Variants in TRIM37 observed in about 807,000 individuals in gnomAD.
TRIM37 encodes E3 ubiquitin-protein ligase TRIM37.
TRIM37 carries 80 observed loss-of-function variants against 129.8 expected under a neutral mutation model. The observed-to-expected ratio is 0.62, with a 90% confidence interval of 0.51 to 0.74. TRIM37 has a LOEUF of 0.74. Among genes scored for constraint, TRIM37 ranks in the 30% least tolerant of loss-of-function variants. TRIM37 has a pLI of 0.00. For synonymous variants in TRIM37, 389 were observed against 387.1 expected, an observed-to-expected ratio of 1.00 and a Z score of -0.06; for missense variants, 1,054 against 1,176.5, an observed-to-expected ratio of 0.90 and a Z score of 1.52.
chr17:59,080,375 T>C (rs1408810398), intron 6 of TRIM37, among the ~76,000 whole-genome samples: 1 of 152,014 alleles, frequency 6.6e-6, no homozygotes, highest in African/African-American at 2.4e-5. Context: ...GTCTGTGGAG[T>C]TCTAAATCAG....
intron 19 of TRIM37, among the ~76,000 whole-genome samples, chr17:59,020,143 A>ATC (rs1368957771): frequency 6.9e-6 from 1 of 143,982 alleles, no homozygotes; most frequent in Non-Finnish European, 1.5e-5. Context: ...AGGTAGGAGA[A>ATC]GTGCTTGAGC....
intron 8 of TRIM37, among the ~76,000 whole-genome samples, chr17:59,072,499 G>A (rs1188994873): frequency 3.9e-5 from 6 of 152,160 alleles, no homozygotes; most frequent in South Asian, 4.2e-4. Context: ...AGGCTGAGGC[G>A]GGTGGATCAC....
intron 8 of TRIM37, among the ~76,000 whole-genome samples, chr17:59,075,037 A>G (rs2042685757): frequency 6.6e-6 from 1 of 152,184 alleles, no homozygotes; most frequent in African/African-American, 2.4e-5. Context: ...CAAAGCCACC[A>G]CTTAAGTCAC....
chr17:59,056,672 G>A (rs1013906720), intron 13 of TRIM37, among the ~76,000 whole-genome samples: 1 of 125,156 alleles, frequency 8.0e-6, no homozygotes, highest in South Asian at 2.7e-4. Flanking sequence ...GGAGCTTGTA[G>A]TGAGCCGAGA....
At chr17:58,975,878 C>T in the TRIM37 span, among the ~76,000 whole-genome samples, 1 of 151,910 alleles carries the variant, frequency 6.6e-6, no homozygotes, top group Non-Finnish European at 1.5e-5. Context: ...ATGAGGAGAG[C>T]TAAAAAGGAA....
intron 19 of TRIM37, among the ~76,000 whole-genome samples, chr17:59,019,467 T>C (rs2036324274): frequency 6.6e-6 from 1 of 152,122 alleles, no homozygotes; most frequent in Admixed American, 6.5e-5. Context: ...CCCAGCACTT[T>C]GGGAGGCTGA....
At chr17:59,027,967 G>A (rs2037422022) in intron 19 of TRIM37, among the ~76,000 whole-genome samples, 2 of 152,074 alleles carry the variant, frequency 1.3e-5, no homozygotes, top group Non-Finnish European at 2.9e-5. Context: ...ATAAATAGCT[G>A]CCACCTTCCT....
At chr17:59,033,933 C>T (rs2038169580) in intron 17 of TRIM37, among the ~76,000 whole-genome samples, 1 of 151,746 alleles carries the variant, frequency 6.6e-6, no homozygotes. Context: ...GCCTTGCCAA[C>T]ATGGTGAAAC....
chr17:59,106,069 A>T, intron 1 of TRIM37, among the ~76,000 whole-genome samples: 1 of 152,200 alleles, frequency 6.6e-6, no homozygotes, highest in South Asian at 2.1e-4. Context: ...ATCCATTTGG[A>T]AGGAGATTTA....
At chr17:59,079,718 G>A (rs1469259674) in intron 7 of TRIM37, 36 bp downstream of exon 7, 2 of 1,612,890 alleles carry the variant, frequency 1.2e-6, no homozygotes, top group Middle Eastern at 1.7e-4. Context: ...GAAGCTGAAA[G>A]CACCAGGTAC....
At chr17:59,060,061 G>A (rs184653010) in intron 12 of TRIM37, among the ~76,000 whole-genome samples, 5 of 152,242 alleles carry the variant, frequency 3.3e-5, no homozygotes, top group Admixed American at 1.3e-4. Flanking sequence ...CGGATCTCTA[G>A]ACTTCAGTCT....
intron 15 of TRIM37, among the ~76,000 whole-genome samples, chr17:59,048,575 G>A (rs1309594940): frequency 6.6e-6 from 1 of 152,138 alleles, no homozygotes; most frequent in Non-Finnish European, 1.5e-5. Flanking sequence ...ACTAGTTTCA[G>A]TGAATGAAAA....
chr17:59,089,060 G>C (rs892232275), intron 3 of TRIM37, among the ~76,000 whole-genome samples: 1 of 151,980 alleles, frequency 6.6e-6, no homozygotes, highest in Non-Finnish European at 1.5e-5. Context: ...CCAGGTGTTC[G>C]AGACCAGCCT....
At chr17:59,084,210 TA>T in intron 4 of TRIM37, 121 bp from the exon 5 acceptor site, 3 of 756,210 alleles carry the variant, frequency 4.0e-6, no homozygotes, top group Admixed American at 2.3e-5. Flanking sequence ...AAACACAGTA[TA>T]AAATGTACTC....
At chr17:59,072,415 C>T (rs1693448034) in intron 8 of TRIM37, among the ~76,000 whole-genome samples, 1 of 152,052 alleles carries the variant, frequency 6.6e-6, no homozygotes, top group Non-Finnish European at 1.5e-5. Context: ...ATAACAGTTG[C>T]TTAAGGCTCA....
At chr17:59,067,533 A>C (rs1169371473) in intron 9 of TRIM37, among the ~76,000 whole-genome samples, 1 of 152,252 alleles carries the variant, frequency 6.6e-6, no homozygotes, top group Non-Finnish European at 1.5e-5. Flanking sequence ...AAGGAAATAA[A>C]CTGCTGAGCT....
intron 24 of TRIM37, among the ~76,000 whole-genome samples, chr17:58,986,108 C>T (rs1238078257): frequency 1.3e-5 from 2 of 152,126 alleles, no homozygotes; most frequent in Non-Finnish European, 2.9e-5. Flanking sequence ...ACCCAAGTTA[C>T]CAAATTATCA....
At chr17:58,990,913 G>C (rs542899443) in intron 24 of TRIM37, among the ~76,000 whole-genome samples, 5 of 151,604 alleles carry the variant, frequency 3.3e-5, no homozygotes, top group Non-Finnish European at 7.4e-5. Flanking sequence ...GGTGGCTCAC[G>C]GCTATAATCC....
intron 20 of TRIM37, among the ~76,000 whole-genome samples, chr17:59,016,517 C>T (rs1403183003): frequency 7.1e-6 from 1 of 139,990 alleles, no homozygotes; most frequent in Admixed American, 7.6e-5. Flanking sequence ...TAATTTTACA[C>T]TTTGGGAGGC....
Sources: allele counts gnomAD v4.1 joint callset (sites outside exome capture counted in the v4.1 genomes callset), GRCh38; gene constraint gnomAD v4.1.1; transcripts MANE v1.5; gene names NCBI Gene and HGNC (gene_info 2026-07-23, HGNC 2026-07-21).